Variants in CPA6 observed in about 807,000 individuals in gnomAD.
The protein encoded by CPA6 is carboxypeptidase B.
CPA6 carries 58 observed loss-of-function variants against 63.3 expected under a neutral mutation model. The ratio of observed to expected loss-of-function variants is 0.92; its 90% CI spans 0.74 to 1.14. The LOEUF (loss-of-function observed/expected upper bound fraction) is 1.14. Ranked by LOEUF, CPA6 falls within the 50% of genes most tolerant of loss-of-function variation. The pLI is 0.00. For synonymous variants in CPA6, 185 were observed against 179.0 expected (o/e 1.03, Z -0.27); for missense variants, 565 against 526.6 (o/e 1.07, Z -0.71).
chr8:67,686,178 T>C (rs1816705554), intron 1 of CPA6, among the ~76,000 whole-genome samples: 1 of 152,186 alleles, frequency 6.6e-6, no homozygotes, highest in Non-Finnish European at 1.5e-5. Context: ...ATGTTCTGAG[T>C]AACACACAAT....
chr8:67,474,244 C>T (rs922725057), intron 8 of CPA6, among the ~76,000 whole-genome samples: 1 of 151,892 alleles, frequency 6.6e-6, no homozygotes. Flanking sequence ...TTTTTTGAGA[C>T]GGAGTCTTGC....
rs117202281 is a variant in CPA6 at position 67,597,823 on chromosome 8, G to T, written c.192+26353C>A. ...TCTACTCTTTGGAACCAGGTGGATT[G>T]TTGTTCTTTTGTTCATGTTATCTTA... On this transcript the variant is annotated intron_variant, in intron 2 of 10. Transcript: ENST00000297770. Among the ~76,000 whole-genome samples, 15 of 152,304 alleles carry T rather than the reference G, an allele frequency of 9.8e-5. No homozygotes were observed. In the South Asian group the frequency reaches 3.1e-3, roughly 32 times the overall value.
intron 8 of CPA6, among the ~76,000 whole-genome samples, chr8:67,475,230 T>C (rs1459184435): frequency 6.6e-6 from 1 of 152,184 alleles, no homozygotes; most frequent in Admixed American, 6.5e-5. Context: ...CATTGGTAAG[T>C]TCCGGAGAAT....
chr8:67,746,235 G>A lies in CPA6; in HGVS notation c.-106C>T. 1.4e-6 allele frequency: 1 copy of A among 706,150 alleles called. No individual in the cohort carries two copies. Among genetic ancestry groups the A allele is most frequent in the Non-Finnish European group, 2.3e-6 (1 of 436,164 alleles). The allele number at this position is 706,150 out of a possible 1,614,324, so 43.7% of individuals were successfully genotyped here. A position where few individuals can be genotyped will look rare whatever the true frequency, so the allele number is the denominator to read the frequency against. Reference sequence around the variant, plus strand: ...GCACAGGTTCTCCGGGAAGGGGGTGGGCGAGGAAGGTTGAGAGTGAGCAAA... The same window carrying A: ...GCACAGGTTCTCCGGGAAGGGGGTGAGCGAGGAAGGTTGAGAGTGAGCAAA... On this transcript the variant is annotated 5_prime_UTR_variant, in exon 1 of 11. Coordinates refer to ENST00000297770, the MANE Select transcript of CPA6 (RefSeq NM_020361.5).
chr8:67,511,924 A>G (rs1812050835), intron 3 of CPA6, among the ~76,000 whole-genome samples: 1 of 152,224 alleles, frequency 6.6e-6, no homozygotes, highest in Non-Finnish European at 1.5e-5. Flanking sequence ...CAGCTGCAAC[A>G]ACCGAATGAT....
chr8:67,434,568 G>T (rs530729466), intron 8 of CPA6, among the ~76,000 whole-genome samples: 2 of 152,322 alleles, frequency 1.3e-5, no homozygotes, highest in African/African-American at 4.8e-5. Context: ...TGTTCAACAG[G>T]TATTTGTTGA....
At chr8:67,643,940 C>T (rs532136374) in intron 1 of CPA6, among the ~76,000 whole-genome samples, 1 of 152,052 alleles carries the variant, frequency 6.6e-6, no homozygotes, top group East Asian at 1.9e-4. Context: ...GTTATAACAA[C>T]GTGGGTTTAC....
intron 2 of CPA6, among the ~76,000 whole-genome samples, chr8:67,537,598 T>C (rs990119563): frequency 1.3e-5 from 2 of 152,074 alleles, no homozygotes; most frequent in South Asian, 2.1e-4. Context: ...CTTATTAGCC[T>C]GTCTAGTGGT....
At chr8:67,649,364 T>C (rs979514124) in intron 1 of CPA6, among the ~76,000 whole-genome samples, 5 of 152,206 alleles carry the variant, frequency 3.3e-5, no homozygotes, top group African/African-American at 1.2e-4. Context: ...TTTGTAATGT[T>C]TGATGTTTTT....
At chr8:67,700,461 G>A (rs1304154617) in intron 1 of CPA6, among the ~76,000 whole-genome samples, 1 of 152,132 alleles carries the variant, frequency 6.6e-6, no homozygotes, top group African/African-American at 2.4e-5. Flanking sequence ...TTTGCAATTT[G>A]GGGATTTGCA....
At chr8:67,478,765 G>A (rs1811296598) in intron 8 of CPA6, among the ~76,000 whole-genome samples, 1 of 152,212 alleles carries the variant, frequency 6.6e-6, no homozygotes, top group Non-Finnish European at 1.5e-5. Flanking sequence ...GGCTGGGCAT[G>A]GTGGCTTATG....
At chr8:67,526,370 T>G (rs1812364590) in intron 2 of CPA6, among the ~76,000 whole-genome samples, 2 of 152,236 alleles carry the variant, frequency 1.3e-5, no homozygotes, top group South Asian at 2.1e-4. Context: ...ATGTTTTTTT[T>G]CTTTCATGGT....
intron 2 of CPA6, among the ~76,000 whole-genome samples, chr8:67,537,380 T>A (rs913472294): frequency 6.6e-6 from 1 of 152,214 alleles, no homozygotes; most frequent in East Asian, 1.9e-4. Flanking sequence ...GAACTTGTTA[T>A]TGGTCTATTT....
intron 1 of CPA6, among the ~76,000 whole-genome samples, chr8:67,668,384 T>C (rs1183317748): frequency 6.6e-6 from 1 of 152,240 alleles, no homozygotes; most frequent in East Asian, 1.9e-4. Context: ...GTCCGTTAGT[T>C]ACACACACAG....
rs540520142 is a variant in CPA6, at chr8:67,586,727, G to A, written c.192+37449C>T. Among the ~76,000 whole-genome samples the A allele has an allele frequency of 2.0e-5, 3 of 152,284 alleles. No homozygotes were observed. In the East Asian group the frequency reaches 5.8e-4, roughly 29 times the overall value. On this transcript the variant is annotated intron_variant, in intron 2 of 10. Transcript: ENST00000297770. The stretch of plus-strand genomic sequence containing the variant: ...AAGTGACTCATTAGGTGATGTTGTT[G>A]CTAGAATTATAAGAGGTAGCAGTCA...
At chr8:67,449,975 C>T (rs1345225803) in intron 8 of CPA6, among the ~76,000 whole-genome samples, 1 of 151,984 alleles carries the variant, frequency 6.6e-6, no homozygotes, top group Non-Finnish European at 1.5e-5. Context: ...ACCACCACGC[C>T]CGGATAATTT....
intron 9 of CPA6, among the ~76,000 whole-genome samples, chr8:67,431,838 A>G (rs74405137): frequency 0.012 from 1,788 of 152,238 alleles, 36 homozygotes; most frequent in African/African-American, 0.04. Flanking sequence ...TCTTTTTTGG[A>G]CAGAATAAAA....
chr8:67,654,627 T>G (rs1057352912), intron 1 of CPA6, among the ~76,000 whole-genome samples: 4 of 152,208 alleles, frequency 2.6e-5, no homozygotes, highest in Non-Finnish European at 4.4e-5. Context: ...GTTTGATTCT[T>G]CTCTCTGCCA....
At chr8:67,644,684 T>C (rs931910116) in intron 1 of CPA6, among the ~76,000 whole-genome samples, 1 of 152,144 alleles carries the variant, frequency 6.6e-6, no homozygotes, top group Non-Finnish European at 1.5e-5. Flanking sequence ...TTTTCCCAGA[T>C]TGATGAGCAG....
Sources: allele counts gnomAD v4.1 joint callset (sites outside exome capture counted in the v4.1 genomes callset), GRCh38; gene constraint gnomAD v4.1.1; transcripts MANE v1.5; gene names NCBI Gene and HGNC (gene_info 2026-07-23, HGNC 2026-07-21).